ADCY9: variants seen among roughly 807,000 people sequenced by gnomAD.
ADCY9 encodes the protein adenylate cyclase type 9.
A neutral mutation model predicts 101.5 loss-of-function variants in ADCY9; 50 were observed. That is an observed-to-expected ratio of 0.49 (90% CI 0.39 to 0.62). The LOEUF (loss-of-function observed/expected upper bound fraction) is 0.62. Ranked by LOEUF, ADCY9 falls within the 20% of genes least tolerant of loss-of-function variation. The probability of loss-of-function intolerance (pLI) is 0.00; values close to 1 mark genes in which losing one functional copy is unlikely to be tolerated. For missense variants in ADCY9, 1,662 were observed against 1,800.4 expected (o/e 0.92, Z 1.39); for synonymous variants, 905 against 769.3 (o/e 1.18, Z -2.92).
chr16:4,053,797 T>A (rs1230833987), intron 2 of ADCY9, among the ~76,000 whole-genome samples: 4 of 152,126 alleles, frequency 2.6e-5, no homozygotes, highest in Non-Finnish European at 4.4e-5. Context: ...AAAAGTTATT[T>A]GCCTCGGAGA....
intron 2 of ADCY9, among the ~76,000 whole-genome samples, chr16:4,032,267 C>G (rs967832057): frequency 4.0e-5 from 6 of 150,268 alleles, no homozygotes; most frequent in Admixed American, 2.0e-4. Flanking sequence ...CCAGCCTGGG[C>G]AACAGAGCAA....
intron 2 of ADCY9, among the ~76,000 whole-genome samples, chr16:4,007,822 G>T (rs1464945724): frequency 6.6e-6 from 1 of 151,722 alleles, no homozygotes; most frequent in Non-Finnish European, 1.5e-5. Flanking sequence ...TTACCTTCAG[G>T]GTTAAAATAA....
chr16:3,995,080 C>A (rs2056276307), intron 3 of ADCY9, among the ~76,000 whole-genome samples: 1 of 152,172 alleles, frequency 6.6e-6, no homozygotes, highest in South Asian at 2.1e-4. Flanking sequence ...AGACTCTGTT[C>A]AAATCACTTT....
At chr16:3,983,063 G>C in intron 7 of ADCY9, 169 bp downstream of exon 7, 1 of 674,216 alleles carries the variant, frequency 1.5e-6, no homozygotes, top group Non-Finnish European at 2.5e-6. Flanking sequence ...CGTCAGGGAG[G>C]GAGGATGCTG....
intron 2 of ADCY9, among the ~76,000 whole-genome samples, chr16:4,061,887 A>T (rs1351997180): frequency 1.3e-5 from 2 of 152,264 alleles, no homozygotes; most frequent in Non-Finnish European, 2.9e-5. Flanking sequence ...CAATAACTAC[A>T]GACTTTTACT....
chr16:4,094,827 A>T (rs1272291164), intron 2 of ADCY9, among the ~76,000 whole-genome samples: 1 of 152,164 alleles, frequency 6.6e-6, no homozygotes, highest in Non-Finnish European at 1.5e-5. Context: ...ACAGAAACTC[A>T]GGAGATCCAG....
chr16:4,053,500 C>A (rs1270556562), intron 2 of ADCY9, among the ~76,000 whole-genome samples: 2 of 152,202 alleles, frequency 1.3e-5, no homozygotes, highest in African/African-American at 2.4e-5. Context: ...ACGTGCGAGC[C>A]CGCCGTCTAT....
At chr16:4,008,708 G>A (rs2056383802) in intron 2 of ADCY9, among the ~76,000 whole-genome samples, 1 of 152,036 alleles carries the variant, frequency 6.6e-6, no homozygotes, top group Admixed American at 6.6e-5. Flanking sequence ...GCAGGCAGGT[G>A]TCCACCACCA....
rs1182131954 is a variant in ADCY9, at chr16:3,962,978, T to A, written c.*2797A>T. ...GCAGGGGGAGCCCCCGCGGGTGACG[T>A]CAGTGTGGATGAAGTCACGGGTGTG... is the stretch of plus-strand genomic sequence containing the variant. On this transcript the variant is annotated 3_prime_UTR_variant, in exon 11 of 11. Transcript: ENST00000294016. 4 of 153,328 alleles carry A rather than the reference T, an allele frequency of 2.6e-5. No individual in the cohort carries two copies. The highest frequency in any genetic ancestry group is 9.7e-5 in the African/African-American group (4 of 41,284). 9.5% of individuals were successfully genotyped at this position (153,328 alleles called of 1,614,324 possible).
chr16:4,049,020 C>T (rs746507695), intron 2 of ADCY9, among the ~76,000 whole-genome samples: 35 of 152,272 alleles, frequency 2.3e-4, no homozygotes, highest in South Asian at 8.3e-4. Context: ...AAATCGTAAT[C>T]CTGGCTCAGA....
intron 2 of ADCY9, among the ~76,000 whole-genome samples, chr16:4,042,995 G>T (rs1325991275): frequency 1.3e-5 from 2 of 152,172 alleles, no homozygotes; most frequent in African/African-American, 4.8e-5. Context: ...ACTTTGGGAG[G>T]CCGAGGCGGG....
chr16:4,028,512 G>A (rs2601815), intron 2 of ADCY9, among the ~76,000 whole-genome samples: 37,981 of 152,106 alleles, frequency 0.25, 5,687 homozygotes, highest in East Asian at 0.48. Flanking sequence ...GACTACAATA[G>A]TGCATGATTC....
At chr16:4,043,226 G>C (rs557758936) in intron 2 of ADCY9, among the ~76,000 whole-genome samples, 2 of 152,100 alleles carry the variant, frequency 1.3e-5, no homozygotes, top group Admixed American at 1.3e-4. Context: ...GCAAGACTCT[G>C]TCTCAAAAAC....
downstream of ADCY9, among the ~76,000 whole-genome samples, chr16:3,959,887 G>T: frequency 6.6e-6 from 1 of 151,868 alleles, no homozygotes; most frequent in African/African-American, 2.4e-5. Flanking sequence ...TTAGCTAGGC[G>T]TGGTGGCGCA....
At chr16:3,986,101 C>A (rs1298577037) in intron 6 of ADCY9, among the ~76,000 whole-genome samples, 2 of 152,272 alleles carry the variant, frequency 1.3e-5, no homozygotes, top group African/African-American at 4.8e-5. Flanking sequence ...AGAGCACAGG[C>A]TCTGCAGCCG....
At chr16:4,017,415 C>CG (rs1312988311) in intron 2 of ADCY9, among the ~76,000 whole-genome samples, 1 of 149,524 alleles carries the variant, frequency 6.7e-6, no homozygotes, top group African/African-American at 2.4e-5. Context: ...GAGGCCGAGG[C>CG]GGGGGGTTGC....
At chr16:3,989,979 T>G (rs576370139) in intron 5 of ADCY9, among the ~76,000 whole-genome samples, 1 of 152,316 alleles carries the variant, frequency 6.6e-6, no homozygotes, top group African/African-American at 2.4e-5. Flanking sequence ...ATGATAAAGC[T>G]CAGTGATTTT....
At chr16:3,988,526 C>T (rs1468903386) in intron 6 of ADCY9, among the ~76,000 whole-genome samples, 2 of 37,464 alleles carry the variant, frequency 5.3e-5, no homozygotes, top group Non-Finnish European at 1.0e-4. Context: ...GGGCAGGTGT[C>T]GGGGTTCCTT....
intron 2 of ADCY9, among the ~76,000 whole-genome samples, chr16:4,016,472 A>T (rs559063317): frequency 1.3e-5 from 2 of 152,290 alleles, no homozygotes; most frequent in African/African-American, 4.8e-5. Context: ...GTCAGGTCAC[A>T]CCTGCAGCAG....
Sources: allele counts gnomAD v4.1 joint callset (sites outside exome capture counted in the v4.1 genomes callset), GRCh38; gene constraint gnomAD v4.1.1; transcripts MANE v1.5; gene names NCBI Gene and HGNC (gene_info 2026-07-23, HGNC 2026-07-21).